Variants in ZNF605 observed in about 807,000 individuals in gnomAD.
ZNF605 encodes zinc finger protein 605.
A neutral mutation model predicts 7.9 loss-of-function variants in ZNF605; 9 were observed. The ratio of observed to expected loss-of-function variants is 1.14; its 90% CI spans 0.68 to 1.98. ZNF605 has a LOEUF of 1.98. ZNF605 is among the 30% of genes most tolerant of loss of function. The probability of loss-of-function intolerance (pLI) is 0.00; values close to 1 mark genes in which losing one functional copy is unlikely to be tolerated. For synonymous variants in ZNF605, 255 were observed against 260.1 expected (o/e 0.98, Z 0.19); for missense variants, 673 against 762.4 (o/e 0.88, Z 1.38).
intron 3 of ZNF605, chr12:132,945,362 T>G: frequency 7.8e-7 from 1 of 1,280,074 alleles, no homozygotes; most frequent in Non-Finnish European, 1.1e-6. Context: ...TAGACCCTTC[T>G]GTGTGTTGCA....
At chr12:132,951,534 T>TCA (rs535122185) in intron 1 of ZNF605, among the ~76,000 whole-genome samples, 1 of 146,964 alleles carries the variant, frequency 6.8e-6, no homozygotes, top group Non-Finnish European at 1.5e-5. Flanking sequence ...TACACGTACG[T>TCA]CACACACACA....
intron 1 of ZNF605, among the ~76,000 whole-genome samples, chr12:132,952,703 G>GA (rs1459686822): frequency 6.6e-6 from 1 of 151,742 alleles, no homozygotes; most frequent in East Asian, 2.0e-4. Flanking sequence ...CAGCAAGGGG[G>GA]AAATTCTACA....
chr12:132,945,913 A>T, intron 2 of ZNF605, 116 bp from the exon 3 acceptor site: 1 of 597,568 alleles, frequency 1.7e-6, no homozygotes, highest in Non-Finnish European at 3.0e-6. Flanking sequence ...GATGTTGGGT[A>T]GGCTCACACC....
At chr12:132,945,295 G>A in intron 3 of ZNF605, 1 of 879,098 alleles carries the variant, frequency 1.1e-6, no homozygotes, top group Non-Finnish European at 1.9e-6. Flanking sequence ...AATCTACTTT[G>A]TGCTTCTTTG....
At chr12:132,955,822 C>T (rs2137174885) in intron 1 of ZNF605, among the ~76,000 whole-genome samples, 1 of 152,172 alleles carries the variant, frequency 6.6e-6, no homozygotes, top group African/African-American at 2.4e-5. Flanking sequence ...ATCCTCCACA[C>T]GGCCTCCCAG....
chr12:132,934,725 T>G lies in ZNF605; in HGVS notation c.16-1570A>C, dbSNP rs1214457984. Among the ~76,000 whole-genome samples, 151 of 128,504 alleles carry G rather than the reference T, an allele frequency of 1.2e-3. 1 individual carries two copies. Among genetic ancestry groups the G allele is most frequent in the African/African-American group, 4.0e-3 (144 of 35,860 alleles). 84.3% of individuals were successfully genotyped at this position (128,504 alleles called of 152,430 possible). A position where few individuals can be genotyped will look rare whatever the true frequency, so the allele number is the denominator to read the frequency against. On this transcript the variant is annotated intron_variant, in intron 3 of 4. Transcript: ENST00000360187. ...GTCTAAAAAAAAAAAAAAAAAAAGA[T>G]TCCAGGAACCATAACAGGTACTAGA...
At chr12:132,939,314 C>T (rs1300259370) in intron 3 of ZNF605, among the ~76,000 whole-genome samples, 2,647 of 152,250 alleles carry the variant, frequency 0.017, 79 homozygotes, top group African/African-American at 0.06. Flanking sequence ...TGTGAGTGCA[C>T]CAATCAACAC....
intron 3 of ZNF605, among the ~76,000 whole-genome samples, chr12:132,935,012 G>A (rs1952349484): frequency 6.6e-6 from 1 of 152,144 alleles, no homozygotes; most frequent in Non-Finnish European, 1.5e-5. Flanking sequence ...GAAATAAAGT[G>A]TGTTTTCTGA....
At chr12:132,945,975 G>T (rs1408561469) in intron 2 of ZNF605, among the ~76,000 whole-genome samples, 178 bp from the exon 3 acceptor site, 2 of 152,262 alleles carry the variant, frequency 1.3e-5, no homozygotes, top group South Asian at 4.1e-4. Flanking sequence ...GCACGTCTCC[G>T]TCGGGTCTGA....
At chr12:132,936,608 A>G (rs1172750358) in intron 3 of ZNF605, among the ~76,000 whole-genome samples, 4 of 152,254 alleles carry the variant, frequency 2.6e-5, no homozygotes, top group Non-Finnish European at 5.9e-5. Context: ...TTGTTTCACA[A>G]AAGTACAAAA....
chr12:132,953,896 G>A (rs1020372966), intron 1 of ZNF605, among the ~76,000 whole-genome samples: 2 of 151,926 alleles, frequency 1.3e-5, no homozygotes, highest in East Asian at 1.9e-4. Context: ...CAAGCCCTCC[G>A]ATCATTCCTC....
Position 132,925,567 on chromosome 12 carries a change from T to C in ZNF605, c.1732A>G (p.Ile578Val), listed in dbSNP as rs991264746. Residue 578 changes from isoleucine (I) to valine (V), a missense_variant, in exon 5 of 5, where the codon ATA becomes GTA. Coordinates refer to ENST00000360187, the MANE Select transcript of ZNF605 (RefSeq NM_183238.4). Reference sequence around the variant, plus strand: ...TCTCCTGTATGAATTCTCTGATGTATAATCAGCTGTGCCTTCTCAAAGAAA... The same window carrying C: ...TCTCCTGTATGAATTCTCTGATGTACAATCAGCTGTGCCTTCTCAAAGAAA... ...KAFFEKAQLI[I>V]HQRIHTGERP... 2 of 1,614,206 alleles carry C rather than the reference T, an allele frequency of 1.2e-6. No homozygotes were observed. Among genetic ancestry groups the C allele is most frequent in the Non-Finnish European group, 1.7e-6 (2 of 1,180,046 alleles).
Position 132,926,349 on chromosome 12 carries a change from G to C in ZNF605, c.950C>G (p.Ala317Gly), listed in dbSNP as rs1952247591. The C allele has an allele frequency of 6.2e-7, 1 of 1,614,164 alleles. No individual in the cohort carries two copies. The highest frequency in any genetic ancestry group is 8.5e-7 in the Non-Finnish European group (1 of 1,180,026). ...KPYPCSHCGK[A>G]FFWKSQLITH... ...AATCAGCTGCGACTTCCAAAAGAAG[G>C]CTTTTCCACAGTGACTACATGGATA... The change falls in exon 5 of 5, where the codon GCC (alanine) becomes GGC (glycine). Residue 317 changes from alanine (A) to glycine (G), a missense_variant. Ala to Gly is a moderately conservative substitution (Grantham distance 60). Transcript: ENST00000360187.
intron 3 of ZNF605, among the ~76,000 whole-genome samples, chr12:132,935,204 T>C (rs1952352028): frequency 6.6e-6 from 1 of 151,988 alleles, no homozygotes. Context: ...GAGGAAAGCT[T>C]AGAATAAGCC....
At chr12:132,931,559 T>C (rs1198818759) in intron 4 of ZNF605, among the ~76,000 whole-genome samples, 1 of 152,038 alleles carries the variant, frequency 6.6e-6, no homozygotes, top group African/African-American at 2.4e-5. Context: ...TAATCAGAGG[T>C]ACAGATGCAG....
chr12:132,933,231 G>A lies in ZNF605; in HGVS notation c.16-76C>T. ...GTAAAATACTTTCTTCTGTATTTGT[G>A]GTAGGTGGCCTCTAAGATGGCCCCA... On this transcript the variant is annotated intron_variant, in intron 3 of 4. Coordinates refer to ENST00000360187, the MANE Select transcript of ZNF605 (RefSeq NM_183238.4). This position sits in a 1 kb window ranked among gnomAD's most constrained non-coding sequence, Gnocchi z 4.4. 1 of 1,500,782 alleles carries A rather than the reference G, an allele frequency of 6.7e-7. No homozygotes were observed. Among genetic ancestry groups the A allele is most frequent in the Admixed American group, 2.1e-5 (1 of 48,170 alleles). The allele number at this position is 1,500,782 out of a possible 1,614,324, so 93.0% of individuals were successfully genotyped here. A position where few individuals can be genotyped will look rare whatever the true frequency, so the allele number is the denominator to read the frequency against.
intron 3 of ZNF605, among the ~76,000 whole-genome samples, chr12:132,940,780 C>T (rs1403393323): frequency 6.6e-6 from 1 of 152,004 alleles, no homozygotes; most frequent in Non-Finnish European, 1.5e-5. Context: ...TCCACAAGTC[C>T]ATGTGCAGGT....
At chr12:132,950,753 GAT>G (rs1220524678) in intron 1 of ZNF605, among the ~76,000 whole-genome samples, 2 of 150,720 alleles carry the variant, frequency 1.3e-5, no homozygotes. Flanking sequence ...CAGACATACT[GAT>G]AACACACGTA....
At chr12:132,929,039 C>A (rs117494840) in intron 4 of ZNF605, among the ~76,000 whole-genome samples, 423 of 26,068 alleles carry the variant, frequency 0.016, 3 homozygotes, top group African/African-American at 0.022. Flanking sequence ...CAAAACAAAA[C>A]AAAACAAAAA....
Sources: allele counts gnomAD v4.1 joint callset (sites outside exome capture counted in the v4.1 genomes callset), GRCh38; gene constraint gnomAD v4.1.1; non-coding constraint Gnocchi (gnomAD v3.1); transcripts MANE v1.5; gene names NCBI Gene and HGNC (gene_info 2026-07-23, HGNC 2026-07-21).